Variants in WDR41 observed in about 807,000 individuals in gnomAD.
WDR41 encodes WD repeat domain 41, also known as WD repeat-containing protein 41.
Under a neutral mutation model 69.3 loss-of-function variants are expected in WDR41, and 63 were observed. That is an observed-to-expected ratio of 0.91 (90% CI 0.74 to 1.12). The LOEUF is 1.12. WDR41 is among the 50% of genes most tolerant of loss of function. The pLI is 0.00. For missense variants in WDR41, 543 were observed against 534.5 expected, an observed-to-expected ratio of 1.02 and a Z score of -0.16; for synonymous variants, 185 against 192.1, an observed-to-expected ratio of 0.96 and a Z score of 0.31.
intron 1 of WDR41, among the ~76,000 whole-genome samples, chr5:77,553,669 A>C (rs1268285308): frequency 6.6e-6 from 1 of 152,246 alleles, no homozygotes; most frequent in African/African-American, 2.4e-5. Flanking sequence ...AAAGATGATA[A>C]AAATAAGCAC....
intron 2 of WDR41, among the ~76,000 whole-genome samples, chr5:77,473,131 A>G (rs910658280): frequency 6.6e-6 from 1 of 151,970 alleles, no homozygotes; most frequent in Non-Finnish European, 1.5e-5. Context: ...GCCCTCAGAA[A>G]TAACGCCGCA....
intron 1 of WDR41, among the ~76,000 whole-genome samples, chr5:77,550,356 C>T (rs1230620998): frequency 9.2e-5 from 14 of 152,064 alleles, no homozygotes; most frequent in Admixed American, 8.5e-4. Context: ...CAACAAAGGT[C>T]TAATATCCAG....
chr5:77,517,928 C>T (rs16874320), intron 1 of WDR41, among the ~76,000 whole-genome samples: 31,886 of 151,734 alleles, frequency 0.21, 5,627 homozygotes, highest in African/African-American at 0.48. Context: ...TTGTGTATAC[C>T]ATCATTTGAC....
rs149804069 is a variant in WDR41, at chr5:77,594,670, T to C, written c.42+25809A>G. ...GATCAACAGGCTAGAAGTCTACTTC[T>C]AGAAACCAAACAGCCCAACCTTCTC... On this transcript the variant is annotated intron_variant, in intron 1 of 5. Transcript: ENST00000509971. 8.4e-3 allele frequency among the ~76,000 whole-genome samples: 1,283 copies of C among 152,278 alleles called. 15 individuals are homozygous for C. Among genetic ancestry groups the C allele is most frequent in the Non-Finnish European group, 0.013 (883 of 68,014 alleles).
chr5:77,613,312 AC>A (rs1458467904), intron 1 of WDR41, among the ~76,000 whole-genome samples: 1 of 152,148 alleles, frequency 6.6e-6, no homozygotes, highest in Admixed American at 6.5e-5. Flanking sequence ...TTCATATGGA[AC>A]CAAAAAAGAG....
chr5:77,603,264 C>T (rs1744357825), intron 1 of WDR41, among the ~76,000 whole-genome samples: 1 of 152,154 alleles, frequency 6.6e-6, no homozygotes, highest in Non-Finnish European at 1.5e-5. Context: ...GCCATTCTAA[C>T]TGGGTGAGAT....
intron 2 of WDR41, among the ~76,000 whole-genome samples, chr5:77,470,746 C>T (rs987581470): frequency 6.6e-6 from 1 of 152,174 alleles, no homozygotes; most frequent in African/African-American, 2.4e-5. Flanking sequence ...AATATATATG[C>T]ACCCAATACA....
At chr5:77,544,453 T>G (rs1180867786) in intron 1 of WDR41, among the ~76,000 whole-genome samples, 1 of 151,644 alleles carries the variant, frequency 6.6e-6, no homozygotes, top group East Asian at 1.9e-4. Context: ...TCACACAAAC[T>G]TAAGGTAAAG....
chr5:77,598,814 G>A (rs561418640), intron 1 of WDR41, among the ~76,000 whole-genome samples: 2 of 152,238 alleles, frequency 1.3e-5, no homozygotes, highest in Admixed American at 6.5e-5. Flanking sequence ...GAAACATAAA[G>A]CCAAAGTCTG....
chr5:77,518,420 A>G (rs1010567545), intron 1 of WDR41, among the ~76,000 whole-genome samples: 1 of 152,146 alleles, frequency 6.6e-6, no homozygotes, highest in African/African-American at 2.4e-5. Flanking sequence ...GTGAAAAGGG[A>G]AAAATAAATG....
intron 8 of WDR41, among the ~76,000 whole-genome samples, chr5:77,444,840 CTTAT>C (rs1361603619): frequency 6.6e-6 from 1 of 152,098 alleles, no homozygotes; most frequent in African/African-American, 2.4e-5. Flanking sequence ...ACGCCTTTGG[CTTAT>C]TTATTATCTG....
At chr5:77,620,393 G>A in intron 1 of WDR41, 1 of 436,450 alleles carries the variant, frequency 2.3e-6, no homozygotes, top group South Asian at 1.6e-5. Flanking sequence ...TTTAATAGGG[G>A]AAAAGAATTT....
rs560091465 is a variant in WDR41 at position 77,529,696 on chromosome 5, G to T, written c.43-40124C>A. ...CAACAGATCAATGAGAGAAAATGGA[G>T]AGTTAAGAAGCAAATCCAGGCATAA... On this transcript the variant is annotated intron_variant, in intron 1 of 5. Coordinates refer to the WDR41 transcript ENST00000509971. 5.3e-5 allele frequency among the ~76,000 whole-genome samples: 8 copies of T among 151,592 alleles called. No individual in the cohort carries two copies. In the South Asian group the frequency reaches 1.7e-3, roughly 31 times the overall value.
At chr5:77,556,189 C>T (rs1052262772) in intron 1 of WDR41, among the ~76,000 whole-genome samples, 2 of 149,412 alleles carry the variant, frequency 1.3e-5, no homozygotes, top group African/African-American at 4.9e-5. Context: ...CTGCAACCTC[C>T]GACTCCCGGG....
Position 77,436,271 on chromosome 5 carries a change from G to A in WDR41, c.1217C>T (p.Ser406Leu). 1.2e-6 allele frequency: 2 copies of A among 1,613,824 alleles called. No homozygotes were observed. The highest frequency in any genetic ancestry group is 1.7e-5 in the Admixed American group (1 of 60,010). The change falls in exon 12 of 13, where the codon TCA becomes TTA. Residue 406 changes from serine to leucine, a missense_variant. By Grantham distance (145) the Ser-to-Leu change is moderately radical. Transcript: ENST00000296679. The stretch of plus-strand genomic sequence containing the variant: ...GCTAAACAGCAATACCTCCACAGAT[G>A]ATGAGTGTCCAATCAAATCTCCAAT... ...ELIGDLIGHS[S>L]SVEMFLYFED...
At chr5:77,485,630 G>A (rs552328914) in intron 2 of WDR41, among the ~76,000 whole-genome samples, 4 of 152,232 alleles carry the variant, frequency 2.6e-5, no homozygotes, top group East Asian at 1.9e-4. Flanking sequence ...TGTGTCAAAC[G>A]CTAGAGTATT....
Position 77,451,300 on chromosome 5 carries a change from T to G in WDR41, c.577A>C (p.Lys193Gln), listed in dbSNP as rs1799618069. 6.2e-7 allele frequency: 1 copy of G among 1,613,742 alleles called. No individual in the cohort carries two copies. Among genetic ancestry groups the G allele is most frequent in the African/African-American group, 1.3e-5 (1 of 75,052 alleles). Residue 193 changes from lysine to glutamine, a missense_variant, in exon 7 of 13, where the codon AAA (lysine) becomes CAA (glutamine). Coordinates refer to ENST00000296679, the MANE Select transcript of WDR41 (RefSeq NM_018268.4). ...PKNCVVAAVG[K>Q]ELIIFRLVAP... Reference sequence around the variant, plus strand: ...AAAAATTCATACTCACTCAGTTCTTTGCCAACTGCTGCCACAACACAGTTC... The same window carrying G: ...AAAAATTCATACTCACTCAGTTCTTGGCCAACTGCTGCCACAACACAGTTC...
rs191133649 is a variant in WDR41 at position 77,574,995 on chromosome 5, C to T, written c.42+45484G>A. On this transcript the variant is annotated intron_variant, in intron 1 of 5. Transcript: ENST00000509971. ...GGCGTTAAAAACAAATTACAAAAAT[C>T]ACATTTCATAAAAGCCTCTATCCAT... 3.1e-3 allele frequency among the ~76,000 whole-genome samples: 477 copies of T among 152,136 alleles called. 3 individuals are homozygous for T. The highest frequency in any genetic ancestry group is 3.8e-3 in the Non-Finnish European group (260 of 67,986).
At chr5:77,449,701 G>T in intron 8 of WDR41, 59 bp downstream of exon 8, 2 of 1,123,044 alleles carry the variant, frequency 1.8e-6, no homozygotes, top group South Asian at 2.6e-5. Context: ...CTCGTGTTCA[G>T]AGCAGGTTGT....
Sources: gnomAD v4.1 joint callset for allele counts (sites outside exome capture counted in the v4.1 genomes callset) on GRCh38, gnomAD v4.1.1 for gene constraint, MANE v1.5 for transcripts, NCBI Gene and HGNC (gene_info 2026-07-23, HGNC 2026-07-21) for gene names.